Variants in C1QTNF9B observed in about 807,000 individuals in gnomAD.
C1QTNF9B encodes complement C1q and tumor necrosis factor-related protein 9B.
A neutral mutation model predicts 10.1 loss-of-function variants in C1QTNF9B; 9 were observed. That is an observed-to-expected ratio of 0.89 (90% CI 0.53 to 1.55). The LOEUF (loss-of-function observed/expected upper bound fraction) is 1.55. Among genes scored for constraint, C1QTNF9B ranks in the 40% most tolerant of loss-of-function variants. C1QTNF9B has a pLI of 0.00. For synonymous variants in C1QTNF9B, 79 were observed against 159.9 expected, an observed-to-expected ratio of 0.49 and a Z score of 3.82; for missense variants, 196 against 414.4, an observed-to-expected ratio of 0.47 and a Z score of 4.58.
At chr13:23,892,351 G>A (rs1253235719) in intron 2 of C1QTNF9B, among the ~76,000 whole-genome samples, 2 of 152,120 alleles carry the variant, frequency 1.3e-5, no homozygotes, top group East Asian at 1.9e-4. Context: ...AAAAAAATAA[G>A]AAAATAAAAT....
rs377159288 is a variant in C1QTNF9B at position 23,891,703 on chromosome 13, A to C, written c.588T>G (p.Thr196=). 768 of 1,613,968 alleles carry C rather than the reference A, an allele frequency of 4.8e-4. 3 individuals are homozygous for C. In the South Asian group the frequency reaches 7.9e-3, roughly 17 times the overall value. ...TGAAAGCACTTTTTGGCAAGACTAG[A>C]GTCTCACCGATTTTCCCTTTCTCTC... Residue 196 remains threonine (T), a synonymous_variant, in exon 3 of 3, where the codon ACT becomes ACG. Coordinates refer to ENST00000382137, the Ensembl canonical transcript of C1QTNF9B.
upstream of C1QTNF9B, chr13:23,897,232 C>G: frequency 2.0e-6 from 1 of 497,656 alleles, no homozygotes; most frequent in Non-Finnish European, 3.5e-6. Context: ...TCAAGCTGAA[C>G]GGGCAATAAA....
upstream of C1QTNF9B, chr13:23,897,109 C>T: frequency 1.5e-6 from 2 of 1,377,380 alleles, no homozygotes; most frequent in Admixed American, 4.2e-5. Context: ...TGTCCCCTGC[C>T]CCAGACCCAC....
rs762293265 is a variant in C1QTNF9B at position 23,894,098 on chromosome 13, G to A, written c.229+41C>T. On this transcript the variant is annotated intron_variant, in intron 2 of 2. Coordinates refer to ENST00000382137, the Ensembl canonical transcript of C1QTNF9B. ...TCCATGGTAATATTGTTAAATAGTCGACAGCTCAGAATTAGAGCACCATAA... is the reference window on the plus strand; with the variant it reads ...TCCATGGTAATATTGTTAAATAGTCAACAGCTCAGAATTAGAGCACCATAA... 22 of 1,374,488 alleles carry A rather than the reference G, an allele frequency of 1.6e-5. 1 individual carries two copies. The highest frequency in any genetic ancestry group is 2.2e-5 in the Non-Finnish European group (21 of 967,050). 85.1% of individuals were successfully genotyped at this position (1,374,488 alleles called of 1,614,324 possible).
intron 2 of C1QTNF9B, among the ~76,000 whole-genome samples, chr13:23,893,677 C>T (rs1207544016): frequency 1.3e-5 from 2 of 152,084 alleles, no homozygotes; most frequent in African/African-American, 4.8e-5. Flanking sequence ...ACTATGTTGC[C>T]CAGGGTGGTC....
intron 1 of C1QTNF9B, chr13:23,894,431 C>T (rs1294665708): frequency 6.3e-5 from 40 of 639,732 alleles, no homozygotes; most frequent in Non-Finnish European, 7.0e-5. Flanking sequence ...ACTTCCCAAG[C>T]GCCCATCTCT....
upstream of C1QTNF9B, chr13:23,897,300 T>A: frequency 2.3e-6 from 1 of 442,372 alleles, no homozygotes. Flanking sequence ...TTTGAAGAAA[T>A]CACTTCTCTT....
chr13:23,893,143 T>G (rs868318022), intron 2 of C1QTNF9B, among the ~76,000 whole-genome samples: 13 of 152,200 alleles, frequency 8.5e-5, no homozygotes, highest in African/African-American at 2.9e-4. Context: ...GACGAGCTAG[T>G]GAGCCTCGTG....
At chr13:23,897,016 G>A (rs1362450949), upstream of C1QTNF9B, 9 of 1,613,336 alleles carry the variant, frequency 5.6e-6, 1 homozygote, top group South Asian at 3.3e-5. Context: ...ACTGAAAGAG[G>A]GAAACAGAAA....
rs9510926 is a variant in C1QTNF9B, at chr13:23,892,298, G to T, written c.230-237C>A. ...GAGGCCAAGAGTTCAAGACCATCCC[G>T]GCCAACATAGCAATTCCCTGACTCT... On this transcript the variant is annotated intron_variant, in intron 2 of 2. Transcript: ENST00000382137. 3.5e-4 allele frequency among the ~76,000 whole-genome samples: 53 copies of T among 151,674 alleles called. No individual in the cohort carries two copies. The South Asian group carries it at 0.011, about 32-fold the overall frequency.
intron 2 of C1QTNF9B, 76 bp downstream of exon 4, chr13:23,894,063 G>A: frequency 7.4e-7 from 1 of 1,352,376 alleles, no homozygotes; most frequent in African/African-American, 1.4e-5. Context: ...TAATCAGCAT[G>A]GAGGACTTGT....
chr13:23,892,111 G>A lies in C1QTNF9B; in HGVS notation c.230-50C>T, dbSNP rs111828116. On this transcript the variant is annotated intron_variant, in intron 2 of 2. Transcript: ENST00000382137. ...GAGATAGTTTGTGAAAGATTCCCTTGTGAACAACTTTGGTTTTTCTATAAT... is the reference window on the plus strand; with the variant it reads ...GAGATAGTTTGTGAAAGATTCCCTTATGAACAACTTTGGTTTTTCTATAAT... The A allele has an allele frequency of 1.0e-3, 1,605 of 1,604,322 alleles. 15 individuals carry two copies. In the African/African-American group the frequency reaches 0.019, roughly 19 times the overall value.
chr13:23,891,234 T>C, exon 3 of C1QTNF9B: 1 of 1,401,146 alleles, frequency 7.1e-7, no homozygotes, highest in Admixed American at 2.4e-5. Flanking sequence ...TCTGAATAAG[T>C]TCATCCCAAG....
In C1QTNF9B at chr13:23,891,356, T is replaced by C. The variant is rs372437925; in HGVS notation, c.935A>G (p.Asn312Ser). 38 of 1,577,242 alleles carry C rather than the reference T, an allele frequency of 2.4e-5. 3 individuals are homozygous for C. Among genetic ancestry groups the C allele is most frequent in the Admixed American group, 1.2e-4 (7 of 59,018 alleles). ...ATCGTCCTCATCAGCAAACAAGCCATTGAACCTCTCTCCTCCTGTCACCTG... is the reference window on the plus strand; with the variant it reads ...ATCGTCCTCATCAGCAAACAAGCCACTGAACCTCTCTCCTCCTGTCACCTG... Residue 312 changes from asparagine (N) to serine (S), a missense_variant, in exon 3 of 3, where the codon AAT becomes AGT. Asn to Ser is a conservative substitution (Grantham distance 46, BLOSUM62 1). Coordinates refer to ENST00000382137, the Ensembl canonical transcript of C1QTNF9B.
In C1QTNF9B at chr13:23,894,121, T is replaced by C; in HGVS notation, c.229+18A>G. ...TCGACAGCTCAGAATTAGAGCACCA[T>C]AAATAGGAACTACTAACCTCGTTCT... is the stretch of plus-strand genomic sequence containing the variant. On this transcript the variant is annotated intron_variant, in intron 2 of 2. Coordinates refer to ENST00000382137, the Ensembl canonical transcript of C1QTNF9B. 2.7e-6 allele frequency: 4 copies of C among 1,486,754 alleles called. No homozygotes were observed. The highest frequency in any genetic ancestry group is 3.7e-6 in the Non-Finnish European group (4 of 1,067,812). 92.1% of individuals were successfully genotyped at this position (1,486,754 alleles called of 1,614,324 possible).
upstream of C1QTNF9B, chr13:23,897,032 A>G (rs1388263833): frequency 6.2e-6 from 10 of 1,611,506 alleles, no homozygotes; most frequent in Non-Finnish European, 8.5e-6. Context: ...AGAAACCCAG[A>G]GGAGAAACCT....
At chr13:23,894,076 A>G in intron 2 of C1QTNF9B, 63 bp downstream of exon 4, 3 of 1,343,176 alleles carry the variant, frequency 2.2e-6, no homozygotes, top group Non-Finnish European at 3.2e-6. Context: ...GGACTTGTCC[A>G]TGGTAATATT....
exon 1 of C1QTNF9B, chr13:23,896,926 C>T (rs768759026): frequency 7.4e-6 from 12 of 1,614,070 alleles, no homozygotes; most frequent in Non-Finnish European, 1.0e-5. Flanking sequence ...CTGCAGGTGT[C>T]CTGTGAGTTT....
rs1349070308 is a variant in C1QTNF9B, at chr13:23,893,996, C to G, written c.229+143G>C. 4 of 1,025,992 alleles carry G rather than the reference C, an allele frequency of 3.9e-6. No homozygotes were observed. The East Asian group carries it at 1.0e-4, about 26-fold the overall frequency. 63.6% of individuals were successfully genotyped at this position (1,025,992 alleles called of 1,614,324 possible). ...CAGCCCTCTGCAAAGCCTGCCAATC[C>G]CTGCAGAATCCCCCCATCTGGAGAG... On this transcript the variant is annotated intron_variant, in intron 2 of 2. Coordinates refer to ENST00000382137, the Ensembl canonical transcript of C1QTNF9B.
Sources: gnomAD v4.1 joint callset for allele counts (sites outside exome capture counted in the v4.1 genomes callset) on GRCh38, gnomAD v4.1.1 for gene constraint, MANE v1.5 for transcripts, NCBI Gene and HGNC (gene_info 2026-07-23, HGNC 2026-07-21) for gene names.